Variants in ZNF565 observed in about 807,000 individuals in gnomAD.
ZNF565 encodes the protein zinc finger protein 565.
In ZNF565, 27 loss-of-function variants were observed where a neutral mutation model predicts 39.4. The observed-to-expected ratio is 0.69, with a 90% CI of 0.51 to 0.95. ZNF565 has a LOEUF of 0.95. ZNF565 is among the 40% of genes least tolerant of loss of function. The pLI, the probability that ZNF565 is intolerant of heterozygous loss-of-function variation, is 0.00. For synonymous variants in ZNF565, 185 were observed against 216.6 expected (o/e 0.85, Z 1.28); for missense variants, 524 against 621.1 (o/e 0.84, Z 1.66).
intron 1 of ZNF565, among the ~76,000 whole-genome samples, chr19:36,207,032 G>GC (rs1976181813): frequency 6.6e-6 from 1 of 152,140 alleles, no homozygotes; most frequent in African/African-American, 2.4e-5. Flanking sequence ...AGCGGCAATT[G>GC]CAAGGGTCTG....
At chr19:36,204,003 G>A (rs1381591484) in intron 1 of ZNF565, among the ~76,000 whole-genome samples, 4 of 150,282 alleles carry the variant, frequency 2.7e-5, no homozygotes, top group African/African-American at 9.8e-5. Context: ...AGGCTGGAGT[G>A]CAGTGGCACA....
chr19:36,228,580 G>A (rs567054315), intron 1 of ZNF565: 2 of 152,304 alleles, frequency 1.3e-5, no homozygotes, highest in East Asian at 3.9e-4. Context: ...ACATGATTGT[G>A]TGTGCTTTAG....
intron 1 of ZNF565, among the ~76,000 whole-genome samples, chr19:36,243,301 G>A (rs1453296196): frequency 1.3e-5 from 2 of 152,068 alleles, no homozygotes; most frequent in African/African-American, 2.4e-5. Flanking sequence ...TCCAAAGTGT[G>A]GGGATTACAA....
upstream of ZNF565, among the ~76,000 whole-genome samples, chr19:36,219,384 T>C (rs1458967932): frequency 6.6e-6 from 1 of 152,086 alleles, no homozygotes. Flanking sequence ...AGGCTGGAAG[T>C]TAGATTTCTG....
chr19:36,233,075 T>A (rs1236913522), intron 1 of ZNF565, among the ~76,000 whole-genome samples: 1 of 152,218 alleles, frequency 6.6e-6, no homozygotes, highest in African/African-American at 2.4e-5. Context: ...ATTAAATATG[T>A]ATTTTCTACC....
At chr19:36,237,041 G>A (rs762193911) in intron 1 of ZNF565, 1 of 1,614,136 alleles carries the variant, frequency 6.2e-7, no homozygotes, top group Non-Finnish European at 8.5e-7. Context: ...ATCACTTATT[G>A]TACATGTGAG....
intron 1 of ZNF565, among the ~76,000 whole-genome samples, chr19:36,223,352 A>G (rs1331746600): frequency 6.6e-6 from 1 of 151,886 alleles, no homozygotes; most frequent in Non-Finnish European, 1.5e-5. Flanking sequence ...CAAAAAAAAA[A>G]AAAAATCTAG....
At chr19:36,201,673 C>T (rs1975969757) in intron 2 of ZNF565, among the ~76,000 whole-genome samples, 1 of 152,046 alleles carries the variant, frequency 6.6e-6, no homozygotes. Context: ...CGGGGTTTCA[C>T]CATGTTGTCC....
intron 1 of ZNF565, among the ~76,000 whole-genome samples, chr19:36,222,873 GT>G (rs1271555169): frequency 7.8e-6 from 1 of 128,220 alleles, no homozygotes; most frequent in African/African-American, 2.8e-5. Flanking sequence ...AAGAGGTTTT[GT>G]TTTAATTTAG....
intron 1 of ZNF565, 106 bp from the exon 2 acceptor site, chr19:36,202,156 G>C: frequency 3.0e-6 from 2 of 675,570 alleles, no homozygotes; most frequent in South Asian, 3.4e-5. Flanking sequence ...CAATGTCTCG[G>C]ATCTGCTTCT....
intron 1 of ZNF565, among the ~76,000 whole-genome samples, chr19:36,231,922 GCCAGACTCGGTGGTTCACCCCTGTAATC>G (rs1977390271): frequency 6.6e-6 from 1 of 151,146 alleles, no homozygotes; most frequent in Non-Finnish European, 1.5e-5. Flanking sequence ...AAAAAAAAAG[GCCAGACTCGGTGGTTCACCCCTGTAATC>G]CCAACACTTT....
intron 1 of ZNF565, among the ~76,000 whole-genome samples, chr19:36,220,506 A>T: frequency 6.6e-6 from 1 of 152,104 alleles, no homozygotes. Context: ...CTGGGACTAC[A>T]GGTGCATGCC....
chr19:36,183,348 A>T lies in ZNF565; in HGVS notation c.618T>A (p.Arg206=), dbSNP rs1454272625. 1.2e-6 allele frequency: 2 copies of T among 1,612,724 alleles called. No individual in the cohort carries two copies. The highest frequency in any genetic ancestry group is 4.5e-5 in the East Asian group (2 of 44,698). ...GCKECGKAFS[R]ASHLVQHQRI... ...TCTGATGCTGAACAAGGTGTGAGGCACGGCTGAAGGCCTTCCCACATTCCT... is the reference window on the plus strand; with the variant it reads ...TCTGATGCTGAACAAGGTGTGAGGCTCGGCTGAAGGCCTTCCCACATTCCT... The change falls in exon 5 of 5, where the codon CGT becomes CGA. Residue 206 remains arginine (R), a synonymous_variant. Transcript: ENST00000304116.
chr19:36,244,686 A>C (rs957192355), intron 1 of ZNF565, among the ~76,000 whole-genome samples: 5 of 152,048 alleles, frequency 3.3e-5, no homozygotes, highest in Non-Finnish European at 4.4e-5. Flanking sequence ...CCCCGTCTCT[A>C]CTAAAAATAC....
intron 4 of ZNF565, among the ~76,000 whole-genome samples, chr19:36,186,538 A>T (rs977173863): frequency 1.3e-5 from 2 of 152,218 alleles, no homozygotes; most frequent in African/African-American, 4.8e-5. Context: ...CTGTAATCCC[A>T]GCACTTTAGG....
intron 4 of ZNF565, among the ~76,000 whole-genome samples, chr19:36,184,090 A>AC (rs1975198293): frequency 1.3e-5 from 2 of 149,338 alleles, no homozygotes; most frequent in Non-Finnish European, 3.0e-5. Flanking sequence ...AAAAAAAAAA[A>AC]AAAAAAAAAA....
At chr19:36,190,468 CGG>C (rs1265884524) in intron 4 of ZNF565, among the ~76,000 whole-genome samples, 1 of 151,000 alleles carries the variant, frequency 6.6e-6, no homozygotes, top group Non-Finnish European at 1.5e-5. Flanking sequence ...CCCAGCTACT[CGG>C]GAGGCTGAGG....
At chr19:36,194,470 T>G in intron 3 of ZNF565, 142 bp from the exon 4 acceptor site, 1 of 582,226 alleles carries the variant, frequency 1.7e-6, no homozygotes, top group Admixed American at 3.4e-5. Context: ...CCCAGCAGAA[T>G]GACTTGTTTC....
chr19:36,219,584 A>G (rs990771474), upstream of ZNF565, among the ~76,000 whole-genome samples: 2 of 152,102 alleles, frequency 1.3e-5, no homozygotes, highest in African/African-American at 4.8e-5. Flanking sequence ...CAAATTGCAT[A>G]CCATTAGGAG....
Sources: gnomAD v4.1 joint callset for allele counts (sites outside exome capture counted in the v4.1 genomes callset) on GRCh38, gnomAD v4.1.1 for gene constraint, MANE v1.5 for transcripts, NCBI Gene and HGNC (gene_info 2026-07-23, HGNC 2026-07-21) for gene names.